PSD2: variants seen among roughly 807,000 people sequenced by gnomAD.
PSD2 encodes the protein PH and SEC7 domain-containing protein 2.
PSD2 carries 38 observed loss-of-function variants against 69.8 expected under a neutral mutation model. The ratio of observed to expected loss-of-function variants is 0.54; its 90% confidence interval spans 0.42 to 0.71. The LOEUF is 0.71. Ranked by LOEUF, PSD2 falls within the 30% of genes least tolerant of loss-of-function variation. The probability of loss-of-function intolerance (pLI) is 0.00; values close to 1 mark genes in which losing one functional copy is unlikely to be tolerated. For synonymous variants in PSD2, 412 were observed against 423.0 expected (o/e 0.97, Z 0.32); for missense variants, 943 against 1,014.5 (o/e 0.93, Z 0.96).
intron 7 of PSD2, among the ~76,000 whole-genome samples, chr5:139,827,616 G>A (rs1284659459): frequency 1.3e-5 from 2 of 152,166 alleles, no homozygotes; most frequent in Non-Finnish European, 2.9e-5. Context: ...CTGAGACTGG[G>A]TAATTTGTAA....
intron 7 of PSD2, among the ~76,000 whole-genome samples, chr5:139,833,027 G>A (rs1760629866): frequency 6.6e-6 from 1 of 152,034 alleles, no homozygotes; most frequent in Admixed American, 6.5e-5. Flanking sequence ...TGTGTCCATG[G>A]CAATTGATTT....
upstream of PSD2, among the ~76,000 whole-genome samples, chr5:139,795,200 C>T (rs1396122804): frequency 1.3e-5 from 2 of 152,106 alleles, no homozygotes; most frequent in East Asian, 1.9e-4. The surrounding 1 kb of genome is among the most constrained non-coding windows in gnomAD (Gnocchi z 4.5). Flanking sequence ...TCCCGAGGCT[C>T]CTTCTCACCC....
chr5:139,813,836 G>T, intron 3 of PSD2, 78 bp downstream of exon 3: 2 of 1,252,198 alleles, frequency 1.6e-6, no homozygotes, highest in East Asian at 2.4e-5. Context: ...GCAGGTTAGG[G>T]TGACTCAGTG....
chr5:139,831,278 C>A (rs528987778), intron 7 of PSD2, among the ~76,000 whole-genome samples: 1 of 151,986 alleles, frequency 6.6e-6, no homozygotes, highest in Non-Finnish European at 1.5e-5. Context: ...TGTGGTATAT[C>A]TTTTTCTGAC....
At chr5:139,771,961 TTC>T in the PSD2 span, among the ~76,000 whole-genome samples, 4 of 152,188 alleles carry the variant, frequency 2.6e-5, no homozygotes, top group Non-Finnish European at 5.9e-5. Context: ...GGAGATGGGC[TTC>T]TGTCTCCTCG....
At chr5:139,762,641 C>G in the PSD2 span, among the ~76,000 whole-genome samples, 1 of 152,214 alleles carries the variant, frequency 6.6e-6, no homozygotes, top group Admixed American at 6.5e-5. Flanking sequence ...AATTGTCACC[C>G]TCTTCTAGCT....
the PSD2 span, chr5:139,775,431 CTG>C: frequency 6.6e-6 from 1 of 152,320 alleles, no homozygotes; most frequent in Non-Finnish European, 1.5e-5. Context: ...CTACAAGTGT[CTG>C]TGCGTGTGAG....
Position 139,821,918 on chromosome 5 carries a change from AT to A in PSD2, c.1124del (p.Met375ArgfsTer39). The A allele has an allele frequency of 6.2e-7, 1 of 1,609,112 alleles. No individual in the cohort carries two copies. The highest frequency in any genetic ancestry group is 1.1e-5 in the South Asian group (1 of 90,112). Reference protein sequence around the residue: ...LRTFLKAFPLMGETQERERVL... With the variant: ...LRTFLKAFPLXGETQERERVL... ...AACATTCTTGAAGGCCTTCCCGCTG[AT>A]GGGGGAGACACAAGAGCGTGAGCGG... On this transcript the variant is annotated frameshift_variant, in exon 6 of 15. Transcript: ENST00000274710. LOFTEE classifies it high-confidence loss of function.
At chr5:139,747,396 C>G in the PSD2 span, among the ~76,000 whole-genome samples, 1 of 152,206 alleles carries the variant, frequency 6.6e-6, no homozygotes, top group Non-Finnish European at 1.5e-5. The surrounding 1 kb of genome is among the most constrained non-coding windows in gnomAD (Gnocchi z 6.7). Context: ...ACGCTTCAGG[C>G]CTCTGCGGAT....
chr5:139,842,245 T>G (rs1385697910), intron 14 of PSD2, 26 bp from the exon 15 acceptor site: 1 of 1,606,184 alleles, frequency 6.2e-7, no homozygotes, highest in Admixed American at 1.7e-5. Context: ...TGTTGTCTTT[T>G]GACCTTGTGT....
At chr5:139,806,075 C>T (rs1759798463) in intron 1 of PSD2, among the ~76,000 whole-genome samples, 2 of 152,192 alleles carry the variant, frequency 1.3e-5, no homozygotes, top group South Asian at 2.1e-4. Flanking sequence ...CCTACCTTAG[C>T]TGGTGTTGAA....
intron 1 of PSD2, among the ~76,000 whole-genome samples, chr5:139,797,807 C>T (rs1759567785): frequency 6.6e-6 from 1 of 152,194 alleles, no homozygotes; most frequent in African/African-American, 2.4e-5. Context: ...AGGATTTGCA[C>T]TTGGCCAGAA....
Position 139,813,373 on chromosome 5 carries a change from GA to G in PSD2, c.437del (p.Glu146GlyfsTer16). 1.3e-6 allele frequency: 2 copies of G among 1,595,850 alleles called. No homozygotes were observed. Among genetic ancestry groups the G allele is most frequent in the Non-Finnish European group, 1.7e-6 (2 of 1,166,018 alleles). On this transcript the variant is annotated frameshift_variant, in exon 3 of 15. Coordinates refer to ENST00000274710, the MANE Select transcript of PSD2 (RefSeq NM_032289.4). LOFTEE classifies it high-confidence loss of function. ...CAGCGCCACGTTTGAGAAGATTCTG[GA>G]GTCAGAGCTGCTGCGGGGCACCCAG... is the stretch of plus-strand genomic sequence containing the variant. The part of the protein sequence containing the change: ...GFSATFEKIL[E>X]SELLRGTQYS...
the PSD2 span, among the ~76,000 whole-genome samples, chr5:139,772,059 C>T: frequency 6.6e-6 from 1 of 152,136 alleles, no homozygotes; most frequent in Non-Finnish European, 1.5e-5. Flanking sequence ...AGAGGAGGAA[C>T]GGAAAGCCCT....
rs1760068622 is a variant in PSD2, at chr5:139,814,481, G to C, written c.1016+117G>C. 2 of 875,850 alleles carry C rather than the reference G, an allele frequency of 2.3e-6. No individual in the cohort carries two copies. Among genetic ancestry groups the C allele is most frequent in the Non-Finnish European group, 3.3e-6 (2 of 602,242 alleles). 54.3% of individuals were successfully genotyped at this position (875,850 alleles called of 1,614,324 possible). A position where few individuals can be genotyped will look rare whatever the true frequency, so the allele number is the denominator to read the frequency against. ...AGGTGCTGGGGGGGCACTCCCAACA[G>C]TTCCCCAAGGACACCTCCTCCCGCC... is the stretch of plus-strand genomic sequence containing the variant. On this transcript the variant is annotated intron_variant, in intron 4 of 14. Coordinates refer to ENST00000274710, the MANE Select transcript of PSD2 (RefSeq NM_032289.4). This position sits in a 1 kb window ranked among gnomAD's most constrained non-coding sequence, Gnocchi z 4.4.
chr5:139,833,100 CAG>C (rs1482245102), intron 7 of PSD2, among the ~76,000 whole-genome samples: 1 of 152,110 alleles, frequency 6.6e-6, no homozygotes, highest in Non-Finnish European at 1.5e-5. Flanking sequence ...CCCCTCTGTG[CAG>C]GTGAGAGGGC....
chr5:139,825,825 C>G (rs144216065), intron 7 of PSD2, among the ~76,000 whole-genome samples: 2 of 152,180 alleles, frequency 1.3e-5, no homozygotes, highest in East Asian at 3.9e-4. Context: ...GGGCTGAAGA[C>G]AGAGATGGGG....
At chr5:139,822,027 G>A in intron 6 of PSD2, 22 bp downstream of exon 6, 1 of 1,503,954 alleles carries the variant, frequency 6.6e-7, no homozygotes. Flanking sequence ...TGCCCACTCT[G>A]CCTGACCCTC....
the PSD2 span, among the ~76,000 whole-genome samples, chr5:139,771,625 A>G: frequency 1.3e-5 from 2 of 152,090 alleles, no homozygotes; most frequent in South Asian, 4.1e-4. Flanking sequence ...TGATCCGCCC[A>G]CCTCGGCCTC....
Sources: gnomAD v4.1 joint callset for allele counts (sites outside exome capture counted in the v4.1 genomes callset) on GRCh38, gnomAD v4.1.1 for gene constraint, Gnocchi (gnomAD v3.1) non-coding constraint, MANE v1.5 for transcripts, NCBI Gene and HGNC (gene_info 2026-07-23, HGNC 2026-07-21) for gene names.